SCRN3: variants seen among roughly 807,000 people sequenced by gnomAD.
SCRN3 encodes secernin 3.
A neutral mutation model predicts 43.1 loss-of-function variants in SCRN3; 39 were observed. That is an observed-to-expected ratio of 0.91 (90% CI 0.70 to 1.18). The LOEUF (loss-of-function observed/expected upper bound fraction) is 1.18. SCRN3 is among the 50% of genes most tolerant of loss of function. SCRN3 has a pLI of 0.00. For synonymous variants in SCRN3, 147 were observed against 163.1 expected (o/e 0.90, Z 0.75); for missense variants, 484 against 498.0 (o/e 0.97, Z 0.27).
At chr2:174,414,185 C>T (rs1046697582) in intron 5 of SCRN3, among the ~76,000 whole-genome samples, 2 of 152,122 alleles carry the variant, frequency 1.3e-5, no homozygotes, top group African/African-American at 4.8e-5. Flanking sequence ...TAGGAGCTCA[C>T]TTAGCCACAT....
chr2:174,423,731 C>T (rs536749779), intron 6 of SCRN3, among the ~76,000 whole-genome samples: 1 of 149,736 alleles, frequency 6.7e-6, no homozygotes, highest in African/African-American at 2.5e-5. Context: ...GGCCTCCCAA[C>T]ATGCTGGGAT....
chr2:174,406,576 T>G lies in SCRN3; in HGVS notation c.754+2261T>G, dbSNP rs564318241. Among the ~76,000 whole-genome samples, 4 of 150,958 alleles carry G rather than the reference T, an allele frequency of 2.6e-5. No homozygotes were observed. In the South Asian group the frequency reaches 8.4e-4, roughly 32 times the overall value. ...ATGCTTCCAGTTTTTGCCCATTCAG[T>G]ATGATATTGGCTGTGGGTTTGTCAG... is the stretch of plus-strand genomic sequence containing the variant. On this transcript the variant is annotated intron_variant, in intron 5 of 7. Transcript: ENST00000272732.
chr2:174,412,747 G>C (rs1186047447), intron 5 of SCRN3, among the ~76,000 whole-genome samples: 1 of 151,564 alleles, frequency 6.6e-6, no homozygotes, highest in Non-Finnish European at 1.5e-5. Context: ...AGTTGTGTAA[G>C]AATGCTTGGG....
At chr2:174,398,721 ACT>A (rs1200549105) in intron 2 of SCRN3, among the ~76,000 whole-genome samples, 1 of 152,158 alleles carries the variant, frequency 6.6e-6, no homozygotes, top group Non-Finnish European at 1.5e-5. Context: ...AGCTGTCAAG[ACT>A]CTGTTCCAGG....
At chr2:174,404,402 A>G in intron 5 of SCRN3, 87 bp downstream of exon 5, 7 of 817,918 alleles carry the variant, frequency 8.6e-6, no homozygotes, top group South Asian at 2.1e-5. Flanking sequence ...GTTTTGGGGA[A>G]TTATAATTAG....
At chr2:174,401,210 TTTAAC>T in intron 4 of SCRN3, 21 bp downstream of exon 4, 2 of 1,594,060 alleles carry the variant, frequency 1.3e-6, no homozygotes, top group Non-Finnish European at 1.7e-6. Context: ...CTTTTTGTGA[TTTAAC>T]TTGTTTTTGC....
intron 4 of SCRN3, 28 bp from the exon 5 acceptor site, chr2:174,404,072 TCTC>T (rs1286896630): frequency 6.5e-7 from 1 of 1,541,582 alleles, no homozygotes; most frequent in Admixed American, 1.7e-5. Context: ...TGACTTTTCT[TCTC>T]CTTTCTCCTC....
At chr2:174,396,349 G>A (rs943657101) in intron 1 of SCRN3, 7 of 985,396 alleles carry the variant, frequency 7.1e-6, no homozygotes, top group Admixed American at 1.2e-4. Context: ...TCTAACCAGG[G>A]GGCAAGTTTC....
chr2:174,404,404 T>A, intron 5 of SCRN3, 89 bp downstream of exon 5: 2 of 800,982 alleles, frequency 2.5e-6, no homozygotes, highest in Non-Finnish European at 3.8e-6. Context: ...TTTGGGGAAT[T>A]ATAATTAGTA....
intron 5 of SCRN3, among the ~76,000 whole-genome samples, chr2:174,412,375 T>A (rs1574659167): frequency 6.6e-6 from 1 of 152,028 alleles, no homozygotes. Flanking sequence ...TCTGCTTTCT[T>A]TCTGTCTTGT....
Position 174,400,044 on chromosome 2 carries a change from T to C in SCRN3, c.282T>C (p.Ala94=), listed in dbSNP as rs1162309677. The C allele has an allele frequency of 1.9e-6, 3 of 1,598,592 alleles. No homozygotes were observed. The highest frequency in any genetic ancestry group is 4.6e-5 in the East Asian group (2 of 43,628). The change falls in exon 3 of 8, where the codon GCT becomes GCC. Residue 94 remains alanine (A), a synonymous_variant. Coordinates refer to ENST00000272732, the MANE Select transcript of SCRN3 (RefSeq NM_024583.5). ...NEHGVCIGNE[A]VWGREEVCDE... ...ATGGAGTTTGCATTGGGAATGAAGC[T>C]GTATGGGGAAGAGAAGAAGTTTGTG...
intron 5 of SCRN3, among the ~76,000 whole-genome samples, chr2:174,418,324 T>TA (rs1473231628): frequency 6.6e-6 from 1 of 152,234 alleles, no homozygotes; most frequent in Admixed American, 6.5e-5. Flanking sequence ...ACCAGTACGT[T>TA]ATAGTTAATT....
At position 174,399,927 on chromosome 2, in the gene SCRN3, A is replaced by AG; in HGVS notation, c.165_166insG (p.Tyr56ValfsTer5). On this transcript the variant is annotated frameshift_variant, in exon 3 of 8. Coordinates refer to ENST00000272732, the MANE Select transcript of SCRN3 (RefSeq NM_024583.5). LOFTEE classifies it high-confidence loss of function. ...TTTTTTTTTTTTTTTTACAGTGTAC[A>AG]TATATAGAAATTGATCAAGTTCCTG... 6.8e-7 allele frequency: 1 copy of AG among 1,478,506 alleles called. No individual in the cohort carries two copies. Among genetic ancestry groups the AG allele is most frequent in the Non-Finnish European group, 8.9e-7 (1 of 1,123,084 alleles). The allele number at this position is 1,478,506 out of a possible 1,614,324, so 91.6% of individuals were successfully genotyped here.
chr2:174,411,761 A>C (rs915571590), intron 5 of SCRN3, among the ~76,000 whole-genome samples: 3 of 152,082 alleles, frequency 2.0e-5, no homozygotes, highest in Non-Finnish European at 4.4e-5. Flanking sequence ...GTCTCTACTA[A>C]AAATACAAAA....
chr2:174,404,073 C>G lies in SCRN3; in HGVS notation c.542-30C>G, dbSNP rs770369870. The G allele has an allele frequency of 5.8e-6, 9 of 1,543,974 alleles. No individual in the cohort carries two copies. In the South Asian group the frequency reaches 1.0e-4, roughly 17 times the overall value. The stretch of plus-strand genomic sequence containing the variant: ...CTTTATGTTAAATATGACTTTTCTT[C>G]TCCTTTCTCCTCTTCTTCTTTGAAA... On this transcript the variant is annotated intron_variant, in intron 4 of 7. Transcript: ENST00000272732.
chr2:174,397,185 A>C, intron 1 of SCRN3: 1 of 977,854 alleles, frequency 1.0e-6, no homozygotes, highest in Non-Finnish European at 1.2e-6. Context: ...GTTTTTATTT[A>C]GTCATTTTCT....
At chr2:174,415,069 C>G (rs1686058372) in intron 5 of SCRN3, among the ~76,000 whole-genome samples, 3 of 152,082 alleles carry the variant, frequency 2.0e-5, no homozygotes, top group Admixed American at 2.0e-4. Context: ...CCAGCCAAGC[C>G]ACCGCACCCA....
intron 5 of SCRN3, among the ~76,000 whole-genome samples, chr2:174,422,498 C>T (rs1686325639): frequency 6.6e-6 from 1 of 150,398 alleles, no homozygotes; most frequent in Non-Finnish European, 1.5e-5. Flanking sequence ...CACTTGAACC[C>T]AGGAGACAGA....
intron 6 of SCRN3, 65 bp downstream of exon 6, chr2:174,423,112 T>C: frequency 3.0e-6 from 4 of 1,339,096 alleles, no homozygotes; most frequent in Admixed American, 4.7e-5. Context: ...ATTAGTATGT[T>C]AATAATTTTG....
Sources: allele counts gnomAD v4.1 joint callset (sites outside exome capture counted in the v4.1 genomes callset), GRCh38; gene constraint gnomAD v4.1.1; transcripts MANE v1.5; gene names NCBI Gene and HGNC (gene_info 2026-07-23, HGNC 2026-07-21).